The following OR52E4 variants were observed in gnomAD, a reference collection of about 807,000 sequenced individuals.
OR52E4 encodes olfactory receptor 52E4.
For synonymous variants in OR52E4, 169 were observed against 137.4 expected, an observed-to-expected ratio of 1.23 and a Z score of -1.61; for missense variants, 444 against 383.8, an observed-to-expected ratio of 1.16 and a Z score of -1.31.
rs200976295 is a variant in OR52E4 at position 5,885,151 on chromosome 11, G to A, written c.859G>A (p.Ala287Thr). The A allele has an allele frequency of 2.5e-6, 4 of 1,613,234 alleles. No homozygotes were observed. In the African/African-American group the frequency reaches 5.3e-5, roughly 22 times the overall value. The part of the protein sequence containing the change: ...LANLYVVVPP[A>T]LNPVIYGVRT... The stretch of plus-strand genomic sequence containing the variant: ...TAACCTGTATGTGGTTGTCCCACCT[G>A]CCCTTAACCCTGTCATTTATGGAGT... Residue 287 changes from alanine (A) to threonine (T), a missense_variant, in exon 2 of 2, where the codon GCC becomes ACC. Physicochemically the swap from Ala to Thr is moderately conservative, Grantham distance 58 (BLOSUM62 0). Transcript: ENST00000641726.
intron 1 of OR52E4, among the ~76,000 whole-genome samples, chr11:5,880,968 C>T (rs1846955727): frequency 6.6e-6 from 1 of 152,090 alleles, no homozygotes; most frequent in Admixed American, 6.6e-5. Context: ...CTCTCTTACA[C>T]ACACATACAC....
In OR52E4 at chr11:5,886,286, T is replaced by A. The variant is rs1847043153; in HGVS notation, c.*1055T>A. On this transcript the variant is annotated 3_prime_UTR_variant, in exon 2 of 2. Transcript: ENST00000641726. ...CTGACTAATACACTTTTCTTTTACA[T>A]TCGTTCTCTGATAAAGTAAGTCTTT... 1 of 151,854 alleles carries A rather than the reference T, an allele frequency of 6.6e-6. No homozygotes were observed. The highest frequency in any genetic ancestry group is 6.6e-5 in the Admixed American group (1 of 15,212). The allele number at this position is 151,854 out of a possible 1,614,324, so 9.4% of individuals were successfully genotyped here.
chr11:5,884,576 G>C lies in OR52E4; in HGVS notation c.284G>C (p.Ser95Thr), dbSNP rs773426430. ...TTCTGGTTCAACCTCCAAGAGATCA[G>C]CTTTGGGGGATGCCTTCTTCAGATG... Reference protein sequence around the residue: ...GIFWFNLQEISFGGCLLQMFF... With the variant: ...GIFWFNLQEITFGGCLLQMFF... The change falls in exon 2 of 2, where the codon AGC becomes ACC. Residue 95 changes from serine to threonine, a missense_variant. Transcript: ENST00000641726. The C allele has an allele frequency of 5.0e-6, 8 of 1,613,380 alleles. No homozygotes were observed. The African/African-American group carries it at 8.0e-5, about 16-fold the overall frequency.
At chr11:5,881,356 G>C (rs1363545356) in intron 1 of OR52E4, among the ~76,000 whole-genome samples, 3 of 152,104 alleles carry the variant, frequency 2.0e-5, no homozygotes, top group Non-Finnish European at 4.4e-5. Flanking sequence ...CACAGTTATG[G>C]AAGAGCCTGA....
chr11:5,885,186 G>C lies in OR52E4; in HGVS notation c.894G>C (p.Lys298Asn). 1.2e-6 allele frequency: 2 copies of C among 1,602,906 alleles called. No homozygotes were observed. The highest frequency in any genetic ancestry group is 8.5e-7 in the Non-Finnish European group (1 of 1,175,708). Residue 298 changes from lysine to asparagine, a missense_variant, in exon 2 of 2, where the codon AAG becomes AAC. By Grantham distance (94) the Lys-to-Asn change is moderately conservative. Transcript: ENST00000641726. ...LNPVIYGVRT[K>N]QIREQIVKIF... ...CTGTCATTTATGGAGTCAGGACCAA[G>C]CAGATCCGAGAGCAAATTGTGAAAA... is the stretch of plus-strand genomic sequence containing the variant.
At position 5,884,853 on chromosome 11, in the gene OR52E4, C is replaced by A. The variant is rs199681194; in HGVS notation, c.561C>A (p.Ala187=). ...CATACTGTGAGCACAGGGGTCTGGCCGGGTTGGCCTGTGCACCCATTAAGA... is the reference window on the plus strand; with the variant it reads ...CATACTGTGAGCACAGGGGTCTGGCAGGGTTGGCCTGTGCACCCATTAAGA... ...PHTYCEHRGL[A]GLACAPIKIN... Residue 187 remains alanine (A), a synonymous_variant, in exon 2 of 2, where the codon GCC becomes GCA. Transcript: ENST00000641726. The A allele has an allele frequency of 6.2e-4, 1,002 of 1,613,310 alleles. 1 individual carries two copies. The highest frequency in any genetic ancestry group is 7.5e-4 in the Non-Finnish European group (886 of 1,179,562).
At position 5,886,812 on chromosome 11, in the gene OR52E4, A is replaced by C. The variant is rs1480172600; in HGVS notation, c.*1581A>C. On this transcript the variant is annotated 3_prime_UTR_variant, in exon 2 of 2. Transcript: ENST00000641726. ...AGTACGCAGATAACGATTTTAGGAA[A>C]TGGGGGCGGATATAGCCAAGTAGAC... 3 of 152,118 alleles carry C rather than the reference A, an allele frequency of 2.0e-5. No homozygotes were observed. Among genetic ancestry groups the C allele is most frequent in the Admixed American group, 2.0e-4 (3 of 15,246 alleles). The allele number at this position is 152,118 out of a possible 1,614,324, so 9.4% of individuals were successfully genotyped here.
intron 1 of OR52E4, among the ~76,000 whole-genome samples, chr11:5,881,954 A>T (rs1846968634): frequency 6.6e-6 from 1 of 152,082 alleles, no homozygotes; most frequent in Non-Finnish European, 1.5e-5. Context: ...ATTCTACTAC[A>T]GTCAGCAAAA....
chr11:5,880,831 C>T (rs1487744921), intron 1 of OR52E4, 117 bp downstream of exon 1: 1 of 152,056 alleles, frequency 6.6e-6, no homozygotes, highest in Non-Finnish European at 1.5e-5. Context: ...AGCACCATTG[C>T]ACCATTTTCT....
chr11:5,884,759 T>A lies in OR52E4; in HGVS notation c.467T>A (p.Val156Asp), dbSNP rs1200782983. 1 of 1,613,646 alleles carries A rather than the reference T, an allele frequency of 6.2e-7. No individual in the cohort carries two copies. Among genetic ancestry groups the A allele is most frequent in the East Asian group, 2.2e-5 (1 of 44,842 alleles). Reference protein sequence around the residue: ...LASVVVGRNLVLVTPFVFLIL... With the variant: ...LASVVVGRNLDLVTPFVFLIL... ...TCTGTGGTTGTTGGAAGAAATTTAG[T>A]TCTTGTAACCCCATTTGTGTTTCTC... The change falls in exon 2 of 2, where the codon GTT (valine) becomes GAT (aspartate). Residue 156 changes from valine (V) to aspartate (D), a missense_variant. Transcript: ENST00000641726.
intron 1 of OR52E4, among the ~76,000 whole-genome samples, chr11:5,882,512 A>C (rs1187010522): frequency 6.6e-6 from 1 of 151,450 alleles, no homozygotes; most frequent in African/African-American, 2.4e-5. Context: ...ATTTTCTCTC[A>C]GCTTCTCGGG....
In OR52E4 at chr11:5,884,496, G is replaced by A. The variant is rs778372726; in HGVS notation, c.204G>A (p.Leu68=). 1.6e-5 allele frequency: 26 copies of A among 1,613,346 alleles called. No individual in the cohort carries two copies. Among genetic ancestry groups the A allele is most frequent in the Non-Finnish European group, 2.1e-5 (25 of 1,179,660 alleles). Residue 68 remains leucine, a synonymous_variant, in exon 2 of 2, where the codon TTG becomes TTA. Coordinates refer to ENST00000641726, the MANE Select transcript of OR52E4 (RefSeq NM_001005165.2). ...HQPMFYFLAM[L]SMIDLGLSTS... ...CCATGTTCTACTTCCTGGCCATGTT[G>A]TCTATGATTGATCTGGGTCTGTCCA...
chr11:5,884,414 T>C lies in OR52E4; in HGVS notation c.122T>C (p.Ile41Thr), dbSNP rs1346587423. The C allele has an allele frequency of 3.7e-6, 6 of 1,613,392 alleles. No individual in the cohort carries two copies. Among genetic ancestry groups the C allele is most frequent in the South Asian group, 1.1e-5 (1 of 91,066 alleles). Residue 41 changes from isoleucine (I) to threonine (T), a missense_variant, in exon 2 of 2, where the codon ATT becomes ACT. Transcript: ENST00000641726. The stretch of plus-strand genomic sequence containing the variant: ...TTCTGTATTGTGTACCTGATTGCCA[T>C]TGTGGGGAATATGACCATTCTCTTT... ...FPFCIVYLIA[I>T]VGNMTILFVI...
At position 5,885,271 on chromosome 11, in the gene OR52E4, C is replaced by G; in HGVS notation, c.*40C>G. 7.7e-7 allele frequency: 1 copy of G among 1,307,158 alleles called. No individual in the cohort carries two copies. The highest frequency in any genetic ancestry group is 1.5e-5 in the South Asian group (1 of 68,766). The allele number at this position is 1,307,158 out of a possible 1,614,324, so 81.0% of individuals were successfully genotyped here. On this transcript the variant is annotated 3_prime_UTR_variant, in exon 2 of 2. Transcript: ENST00000641726. ...TTGGATAAATATATCTATATACAACCCAAATTATCATCATCTGAGCTCCCT... is the reference window on the plus strand; with the variant it reads ...TTGGATAAATATATCTATATACAACGCAAATTATCATCATCTGAGCTCCCT...
At chr11:5,881,235 C>T (rs891243715) in intron 1 of OR52E4, among the ~76,000 whole-genome samples, 5 of 152,012 alleles carry the variant, frequency 3.3e-5, no homozygotes, top group Non-Finnish European at 7.4e-5. Flanking sequence ...TTAATGTTGC[C>T]AGTTGTAACT....
At position 5,885,132 on chromosome 11, in the gene OR52E4, G is replaced by A; in HGVS notation, c.840G>A (p.Leu280=). ...ATATCCATATTCTTTTGGCTAACCT[G>A]TATGTGGTTGTCCCACCTGCCCTTA... The part of the protein sequence containing the change: ...PHYIHILLAN[L]YVVVPPALNP... Residue 280 remains leucine (L), a synonymous_variant, in exon 2 of 2, where the codon CTG becomes CTA. Coordinates refer to ENST00000641726, the MANE Select transcript of OR52E4 (RefSeq NM_001005165.2). 6.2e-7 allele frequency: 1 copy of A among 1,613,370 alleles called. No individual in the cohort carries two copies.
chr11:5,880,783 G>A (rs1846953039), intron 1 of OR52E4, 69 bp downstream of exon 1: 1 of 152,242 alleles, frequency 6.6e-6, no homozygotes. Context: ...TGAGGATAGA[G>A]AGGCCAGATT....
At position 5,884,284 on chromosome 11, in the gene OR52E4, G is replaced by C; in HGVS notation, c.-9G>C. 6.3e-7 allele frequency: 1 copy of C among 1,587,496 alleles called. No homozygotes were observed. The highest frequency in any genetic ancestry group is 8.6e-7 in the Non-Finnish European group (1 of 1,162,740). On this transcript the variant is annotated 5_prime_UTR_variant, in exon 2 of 2. Transcript: ENST00000641726. ...CATACTTAGGAATTCAGTGACACTTGCTGGGAGAATGCCTTCTATCAATGA... is the reference window on the plus strand; with the variant it reads ...CATACTTAGGAATTCAGTGACACTTCCTGGGAGAATGCCTTCTATCAATGA...
Position 5,885,806 on chromosome 11 carries a change from G to A in OR52E4, c.*575G>A, listed in dbSNP as rs896427599. 1.3e-5 allele frequency: 2 copies of A among 151,926 alleles called. No individual in the cohort carries two copies. The highest frequency in any genetic ancestry group is 1.9e-4 in the East Asian group (1 of 5,150). The allele number at this position is 151,926 out of a possible 1,614,324, so 9.4% of individuals were successfully genotyped here. On this transcript the variant is annotated 3_prime_UTR_variant, in exon 2 of 2. Transcript: ENST00000641726. ...CTCTCTTTTTGTGATGGTTAATACTGAGTGTCAACTTTATTTGACTGAAGG... is the reference window on the plus strand; with the variant it reads ...CTCTCTTTTTGTGATGGTTAATACTAAGTGTCAACTTTATTTGACTGAAGG...
Sources: allele counts gnomAD v4.1 joint callset (sites outside exome capture counted in the v4.1 genomes callset), GRCh38; gene constraint gnomAD v4.1.1; transcripts MANE v1.5; gene names NCBI Gene and HGNC (gene_info 2026-07-23, HGNC 2026-07-21).